Variants in CNTN1 observed in about 807,000 individuals in gnomAD.
CNTN1 encodes contactin-1.
In CNTN1, 38 loss-of-function variants were observed where a neutral mutation model predicts 126.4. The ratio of observed to expected loss-of-function variants is 0.30; its 90% confidence interval spans 0.23 to 0.39. The LOEUF (loss-of-function observed/expected upper bound fraction) is 0.39. Among genes scored for constraint, CNTN1 ranks in the 10% least tolerant of loss-of-function variants. CNTN1 has a pLI of 1.00. For missense variants in CNTN1, 1,009 were observed against 1,248.4 expected (o/e 0.81, Z 2.89); for synonymous variants, 413 against 422.6 (o/e 0.98, Z 0.28).
chr12:40,794,429 T>C (rs1565744957), intron 1 of CNTN1, among the ~76,000 whole-genome samples: 2 of 141,350 alleles, frequency 1.4e-5, no homozygotes, highest in African/African-American at 2.7e-5. Flanking sequence ...AATTTAATAA[T>C]GAATAACTAC....
intron 1 of CNTN1, among the ~76,000 whole-genome samples, chr12:40,878,542 A>G (rs1943758500): frequency 6.6e-6 from 1 of 152,190 alleles, no homozygotes; most frequent in African/African-American, 2.4e-5. Context: ...ACATGAGGAA[A>G]AGTTTAGACA....
At chr12:40,851,472 T>C (rs1282362633) in intron 1 of CNTN1, among the ~76,000 whole-genome samples, 1 of 152,244 alleles carries the variant, frequency 6.6e-6, no homozygotes, top group Non-Finnish European at 1.5e-5. Flanking sequence ...ATCCATATTT[T>C]GAGACTCTGC....
intron 1 of CNTN1, among the ~76,000 whole-genome samples, chr12:40,900,139 G>A (rs755193000): frequency 5.9e-5 from 9 of 151,958 alleles, no homozygotes; most frequent in East Asian, 1.9e-4. Context: ...CTGACAGGAC[G>A]GCATGCATTT....
chr12:40,876,064 A>G (rs1364132755), intron 1 of CNTN1, among the ~76,000 whole-genome samples: 1 of 151,856 alleles, frequency 6.6e-6, no homozygotes, highest in Non-Finnish European at 1.5e-5. Context: ...TAATTTTGAT[A>G]TGAATATTAT....
chr12:40,873,083 T>C (rs1943559320), intron 1 of CNTN1, among the ~76,000 whole-genome samples: 1 of 152,120 alleles, frequency 6.6e-6, no homozygotes, highest in Non-Finnish European at 1.5e-5. Context: ...TTTTAGTAGT[T>C]AGTAACCCAA....
intron 1 of CNTN1, among the ~76,000 whole-genome samples, chr12:40,862,100 A>G (rs1943133485): frequency 6.6e-6 from 1 of 151,842 alleles, no homozygotes; most frequent in East Asian, 1.9e-4. Flanking sequence ...GCTTCTCAGA[A>G]GTCTGACGTG....
At chr12:41,022,113 G>A (rs1271774602) in intron 20 of CNTN1, among the ~76,000 whole-genome samples, 3 of 151,900 alleles carry the variant, frequency 2.0e-5, no homozygotes, top group Non-Finnish European at 2.9e-5. Flanking sequence ...ATATATTGAC[G>A]ATTTGCTTAC....
At chr12:40,864,087 C>T (rs1312443246) in intron 1 of CNTN1, among the ~76,000 whole-genome samples, 2 of 132,188 alleles carry the variant, frequency 1.5e-5, no homozygotes, top group Non-Finnish European at 3.1e-5. Context: ...ATGGTGCGAT[C>T]TTGGCTCACT....
At chr12:40,758,916 G>A (rs1448221155) in intron 1 of CNTN1, among the ~76,000 whole-genome samples, 2 of 151,398 alleles carry the variant, frequency 1.3e-5, no homozygotes, top group Non-Finnish European at 2.9e-5. Context: ...TTTTTTGTTT[G>A]TTTTTGAGAT....
chr12:40,812,292 C>G lies in CNTN1; in HGVS notation c.-76-96065C>G, dbSNP rs187835859. ...AAATTTGCTAAGACTGATTTTGTGG[C>G]CCAATGTTTGATCTATCCTAGAGAA... is the stretch of plus-strand genomic sequence containing the variant. On this transcript the variant is annotated intron_variant, in intron 1 of 23. Transcript: ENST00000551295. Among the ~76,000 whole-genome samples the G allele has an allele frequency of 1.2e-3, 190 of 152,098 alleles. 1 individual carries two copies. The highest frequency in any genetic ancestry group is 3.5e-3 in the Admixed American group (53 of 15,268).
chr12:40,957,759 G>T (rs1398083044), intron 14 of CNTN1, among the ~76,000 whole-genome samples: 1 of 151,846 alleles, frequency 6.6e-6, no homozygotes, highest in Non-Finnish European at 1.5e-5. Flanking sequence ...AATTAAGACT[G>T]GCTAATATCA....
rs1326069376 is a variant in CNTN1, at chr12:41,018,619, T to A, written c.2419+1703T>A. 2.0e-5 allele frequency among the ~76,000 whole-genome samples: 3 copies of A among 150,924 alleles called. No homozygotes were observed. In the South Asian group the frequency reaches 6.2e-4, roughly 31 times the overall value. ...ATATATGTGTGTATATATAAGTATATATGTATATATTTAAAGTTATATATA... is the reference window on the plus strand; with the variant it reads ...ATATATGTGTGTATATATAAGTATAAATGTATATATTTAAAGTTATATATA... On this transcript the variant is annotated intron_variant, in intron 19 of 23. Coordinates refer to ENST00000551295, the MANE Select transcript of CNTN1 (RefSeq NM_001843.4).
At chr12:40,747,137 C>T (rs1287662999) in intron 1 of CNTN1, among the ~76,000 whole-genome samples, 1 of 152,206 alleles carries the variant, frequency 6.6e-6, no homozygotes, top group African/African-American at 2.4e-5. Context: ...AAAACTCATT[C>T]TGTCTCTATC....
Position 40,771,720 on chromosome 12 carries a change from G to A in CNTN1, c.-77+79128G>A, listed in dbSNP as rs73112618. ...CCCTACCCAAGGAGAACGGCCAGTT[G>A]TAAAATTGGTTAGGGTGGGTGGTGT... On this transcript the variant is annotated intron_variant, in intron 1 of 23. Transcript: ENST00000551295. 5.1e-3 allele frequency among the ~76,000 whole-genome samples: 783 copies of A among 152,100 alleles called. 6 individuals carry two copies. The highest frequency in any genetic ancestry group is 0.017 in the African/African-American group (725 of 41,526).
intron 6 of CNTN1, among the ~76,000 whole-genome samples, chr12:40,925,162 G>A (rs943021272): frequency 2.6e-5 from 4 of 151,688 alleles, no homozygotes; most frequent in African/African-American, 9.7e-5. Context: ...AGTGTCATCT[G>A]TTATGAAATT....
At chr12:41,029,471 C>T (rs778637834) in intron 23 of CNTN1, among the ~76,000 whole-genome samples, 4 of 152,054 alleles carry the variant, frequency 2.6e-5, no homozygotes, top group Non-Finnish European at 5.9e-5. Context: ...AGACATAAGA[C>T]GAACGAGTTT....
chr12:41,071,077 A>AAATAAC lies in CNTN1; in HGVS notation c.*1048_*1053dup, dbSNP rs1255277082. On this transcript the variant is annotated 3_prime_UTR_variant, in exon 24 of 24. Coordinates refer to ENST00000551295, the MANE Select transcript of CNTN1 (RefSeq NM_001843.4). ...AAAGCTACCGTATTCCATTTTGTAAAAATAACAATAATAATAATAATAATA... is the reference window on the plus strand; with the variant it reads ...AAAGCTACCGTATTCCATTTTGTAAAAATAACAATAACAATAATAATAATAATAATA... The AAATAAC allele has an allele frequency of 2.1e-5, 3 of 142,222 alleles. No individual in the cohort carries two copies. Among genetic ancestry groups the AAATAAC allele is most frequent in the African/African-American group, 5.1e-5 (2 of 39,432 alleles). The allele number at this position is 142,222 out of a possible 1,614,324, so 8.8% of individuals were successfully genotyped here.
rs183480104 is a variant in CNTN1 at position 40,948,396 on chromosome 12, A to G, written c.1683+4226A>G. Among the ~76,000 whole-genome samples the G allele has an allele frequency of 2.1e-4, 31 of 150,956 alleles. No individual in the cohort carries two copies. The East Asian group carries it at 3.3e-3, about 16-fold the overall frequency. On this transcript the variant is annotated intron_variant, in intron 14 of 23. Coordinates refer to ENST00000551295, the MANE Select transcript of CNTN1 (RefSeq NM_001843.4). Reference sequence around the variant, plus strand: ...GGGTATTTCATTGCTGAAGGCAGTGAAGAGGTAATAATAGCCAACATTTAT... The same window carrying G: ...GGGTATTTCATTGCTGAAGGCAGTGGAGAGGTAATAATAGCCAACATTTAT...
chr12:40,792,951 G>T (rs113133399), intron 1 of CNTN1, among the ~76,000 whole-genome samples: 10 of 152,162 alleles, frequency 6.6e-5, no homozygotes, highest in East Asian at 1.9e-4. Flanking sequence ...TTCCCTTTGT[G>T]GGGGGAGATT....
Sources: gnomAD v4.1 joint callset for allele counts (sites outside exome capture counted in the v4.1 genomes callset) on GRCh38, gnomAD v4.1.1 for gene constraint, MANE v1.5 for transcripts, NCBI Gene and HGNC (gene_info 2026-07-23, HGNC 2026-07-21) for gene names.